NUP214: variants seen among roughly 807,000 people sequenced by gnomAD.
NUP214 encodes the protein nuclear pore complex protein Nup214.
NUP214 carries 79 observed loss-of-function variants against 196.2 expected under a neutral mutation model. The observed-to-expected ratio is 0.40, with a 90% confidence interval of 0.34 to 0.49. The LOEUF is 0.49. Ranked by LOEUF, NUP214 falls within the 20% of genes least tolerant of loss-of-function variation. The pLI, the probability that NUP214 is intolerant of heterozygous loss-of-function variation, is 0.58. For synonymous variants in NUP214, 1,020 were observed against 990.5 expected (o/e 1.03, Z -0.56); for missense variants, 2,468 against 2,539.0 (o/e 0.97, Z 0.60).
intron 17 of NUP214, 110 bp downstream of exon 17, chr9:131,152,004 A>G (rs1481840852): frequency 1.3e-6 from 1 of 798,840 alleles, no homozygotes; most frequent in Non-Finnish European, 1.8e-6. Context: ...GAAGTTGTTG[A>G]TTTTCTGCTT....
At chr9:131,183,416 A>G (rs533306692) in intron 24 of NUP214, among the ~76,000 whole-genome samples, 4 of 152,346 alleles carry the variant, frequency 2.6e-5, no homozygotes, top group Admixed American at 2.6e-4. Flanking sequence ...AAATAAGAAG[A>G]AAAAAGTTTA....
intron 3 of NUP214, 117 bp downstream of exon 3, chr9:131,128,600 T>C (rs1831436161): frequency 1.2e-6 from 1 of 846,598 alleles, no homozygotes; most frequent in Non-Finnish European, 1.7e-6. Flanking sequence ...TAGATTAAAA[T>C]ATGGGTTAAA....
At chr9:131,174,570 T>C (rs1288841252) in intron 22 of NUP214, among the ~76,000 whole-genome samples, 2 of 143,414 alleles carry the variant, frequency 1.4e-5, no homozygotes, top group East Asian at 4.6e-4. Flanking sequence ...TGCCTCACCC[T>C]CCCAAGTAGC....
At chr9:131,127,073 T>C (rs1350332464) in intron 1 of NUP214, 3 of 153,376 alleles carry the variant, frequency 2.0e-5, no homozygotes, top group African/African-American at 4.8e-5. Flanking sequence ...GACAAATTCA[T>C]GAAGTGTTCC....
chr9:131,163,040 A>C lies in NUP214; in HGVS notation c.2590A>C (p.Asn864His). Reference protein sequence around the residue: ...RETLFNTLANNREIINQQRKR... With the variant: ...RETLFNTLANHREIINQQRKR... ...GACACTGTTTAACACCCTAGCCAAC[A>C]ATCGGGAAATCATCAACCAACAGAG... Residue 864 changes from asparagine to histidine, a missense_variant, in exon 19 of 36, where the codon AAT (asparagine) becomes CAT (histidine). This residue lies in a region of NUP214 where 1,801 missense variants were observed against 1,779.4 expected (regional missense o/e 1.01). Transcript: ENST00000359428. The C allele has an allele frequency of 5.6e-6, 9 of 1,614,210 alleles. No individual in the cohort carries two copies. Among genetic ancestry groups the C allele is most frequent in the Non-Finnish European group, 6.8e-6 (8 of 1,180,030 alleles).
At chr9:131,157,086 A>T (rs990408448) in intron 17 of NUP214, among the ~76,000 whole-genome samples, 6 of 150,900 alleles carry the variant, frequency 4.0e-5, no homozygotes, top group Non-Finnish European at 7.4e-5. Flanking sequence ...GATCCTCCTA[A>T]CTCATCCTCC....
At chr9:131,178,104 A>G (rs1253921351) in intron 23 of NUP214, among the ~76,000 whole-genome samples, 1 of 152,190 alleles carries the variant, frequency 6.6e-6, no homozygotes, top group African/African-American at 2.4e-5. Context: ...AGTTACAGGA[A>G]GCCTTGTTCC....
chr9:131,172,016 G>A (rs1454428573), intron 21 of NUP214, among the ~76,000 whole-genome samples: 20 of 151,996 alleles, frequency 1.3e-4, no homozygotes, highest in African/African-American at 2.4e-4. Context: ...ATAAACATAC[G>A]TATGCATGTG....
intron 18 of NUP214, among the ~76,000 whole-genome samples, chr9:131,162,204 A>C (rs1832660144): frequency 6.6e-6 from 1 of 152,240 alleles, no homozygotes; most frequent in Non-Finnish European, 1.5e-5. Flanking sequence ...CTGTAATCTT[A>C]TAGGATCATC....
rs1179096812 is a variant in NUP214, at chr9:131,148,211, T to C, written c.2040+627T>C. Among the ~76,000 whole-genome samples, 4 of 152,324 alleles carry C rather than the reference T, an allele frequency of 2.6e-5. No homozygotes were observed. The East Asian group carries it at 7.7e-4, about 29-fold the overall frequency. On this transcript the variant is annotated intron_variant, in intron 14 of 35. Transcript: ENST00000359428. Reference sequence around the variant, plus strand: ...CTGATTTGATTTCCAACAGCATAGATGAGGTTAGCCTGCCTGTACCTCCTA... The same window carrying C: ...CTGATTTGATTTCCAACAGCATAGACGAGGTTAGCCTGCCTGTACCTCCTA...
chr9:131,175,848 A>T, intron 23 of NUP214: 1 of 543,728 alleles, frequency 1.8e-6, no homozygotes, highest in Non-Finnish European at 2.9e-6. Context: ...ACATTTAGTT[A>T]AGGTGGAAAT....
chr9:131,166,459 A>AT (rs992725588), intron 21 of NUP214, among the ~76,000 whole-genome samples: 5 of 152,236 alleles, frequency 3.3e-5, no homozygotes, highest in Non-Finnish European at 5.9e-5. Flanking sequence ...CTCTGCCCAC[A>AT]TGAAGCTTTT....
intron 1 of NUP214, chr9:131,126,514 C>T (rs998584716): frequency 1.3e-5 from 2 of 151,366 alleles, no homozygotes; most frequent in Non-Finnish European, 2.9e-5. Flanking sequence ...CACTAAAATG[C>T]ATTTAGGGCA....
intron 5 of NUP214, among the ~76,000 whole-genome samples, chr9:131,131,460 G>A (rs1417347901): frequency 2.0e-5 from 3 of 152,200 alleles, no homozygotes; most frequent in Admixed American, 6.5e-5. Flanking sequence ...TGGTGCTAAG[G>A]CCTTTCTTGT....
At chr9:131,175,393 C>A in intron 22 of NUP214, 67 bp from the exon 23 acceptor site, 1 of 1,558,970 alleles carries the variant, frequency 6.4e-7, no homozygotes, top group South Asian at 1.2e-5. Flanking sequence ...AAAGAATTTA[C>A]CAATTTAACC....
At chr9:131,190,507 T>C (rs1323412024) in intron 26 of NUP214, 1 of 682,860 alleles carries the variant, frequency 1.5e-6, no homozygotes, top group Admixed American at 2.2e-5. Context: ...AAAGAACTTT[T>C]TTCTTTTGGT....
In NUP214 at chr9:131,132,528, T is replaced by C. The variant is rs185945850; in HGVS notation, c.664-68T>C. 507 of 1,354,296 alleles carry C rather than the reference T, an allele frequency of 3.7e-4. 2 individuals carry two copies. In the African/African-American group the frequency reaches 6.6e-3, roughly 18 times the overall value. 83.9% of individuals were successfully genotyped at this position (1,354,296 alleles called of 1,614,324 possible). On this transcript the variant is annotated intron_variant, in intron 5 of 35. Coordinates refer to ENST00000359428, the MANE Select transcript of NUP214 (RefSeq NM_005085.4). ...GTAGCATCTAAGGAATAGATTAGAT[T>C]TGACAGTTTGATTGGTTTAGGATTT...
intron 18 of NUP214, 123 bp downstream of exon 18, chr9:131,159,609 G>A (rs143120173): frequency 4.6e-5 from 36 of 789,594 alleles, no homozygotes; most frequent in African/African-American, 4.0e-4. Context: ...TGTAATCCCA[G>A]CACTTTGGCA....
intron 12 of NUP214, among the ~76,000 whole-genome samples, 169 bp from the exon 13 acceptor site, chr9:131,145,960 C>T (rs1832076424): frequency 6.6e-6 from 1 of 152,136 alleles, no homozygotes; most frequent in South Asian, 2.1e-4. Context: ...GCAGCTTTCA[C>T]CTTTTATAAG....
Sources: gnomAD v4.1 joint callset for allele counts (sites outside exome capture counted in the v4.1 genomes callset) on GRCh38, gnomAD v4.1.1 for gene constraint, gnomAD v4.1.1 regional missense constraint, MANE v1.5 for transcripts, NCBI Gene and HGNC (gene_info 2026-07-23, HGNC 2026-07-21) for gene names.